The following TERB1 variants were observed in gnomAD, a reference collection of about 807,000 sequenced individuals.
TERB1 encodes telomere repeats-binding bouquet formation protein 1.
A neutral mutation model predicts 92.3 loss-of-function variants in TERB1; 63 were observed. The observed-to-expected ratio is 0.68, with a 90% CI of 0.56 to 0.84. The LOEUF (loss-of-function observed/expected upper bound fraction) is 0.84, where lower values mean the gene tolerates loss of function less well. Among genes scored for constraint, TERB1 ranks in the 40% least tolerant of loss-of-function variants. The pLI, the probability that TERB1 is intolerant of heterozygous loss-of-function variation, is 0.00. For missense variants in TERB1, 709 were observed against 843.7 expected, an observed-to-expected ratio of 0.84 and a Z score of 1.98; for synonymous variants, 252 against 283.9, an observed-to-expected ratio of 0.89 and a Z score of 1.13.
At chr16:66,797,716 G>A (rs1315615779) in intron 2 of TERB1, among the ~76,000 whole-genome samples, 1 of 146,796 alleles carries the variant, frequency 6.8e-6, no homozygotes, top group Non-Finnish European at 1.5e-5. Flanking sequence ...ACAACCCATG[G>A]TTATTTTCAA....
rs2018180890 is a variant in TERB1 at position 66,758,820 on chromosome 16, C to T, written c.1949G>A (p.Arg650His). Residue 650 changes from arginine (R) to histidine (H), a missense_variant, in exon 18 of 19, where the codon CGT becomes CAT. Transcript: ENST00000433154. ...ICNKKILLTP[R>H]RRQRLSNEST... is the part of the protein sequence containing the mutation. ...TTCATTACTGAGTCGTTGTCTTCTA[C>T]GTGGGGTCAGCAGAATTTCTGAAAA... The T allele has an allele frequency of 8.5e-6, 13 of 1,534,620 alleles. No homozygotes were observed. Among genetic ancestry groups the T allele is most frequent in the South Asian group, 1.2e-5 (1 of 81,644 alleles).
At chr16:66,788,486 G>A (rs967147640) in intron 5 of TERB1, among the ~76,000 whole-genome samples, 189 bp from the exon 6 acceptor site, 1 of 150,068 alleles carries the variant, frequency 6.7e-6, no homozygotes, top group South Asian at 2.1e-4. Flanking sequence ...CAAAGAAGCA[G>A]AATATTAATC....
chr16:66,785,827 C>T lies in TERB1; in HGVS notation c.659G>A (p.Arg220His), dbSNP rs201401376. The change falls in exon 9 of 19, where the codon CGC (arginine) becomes CAC (histidine). Residue 220 changes from arginine (R) to histidine (H), a missense_variant. Physicochemically the swap from Arg to His is conservative, Grantham distance 29 (BLOSUM62 0). Coordinates refer to ENST00000433154, the MANE Select transcript of TERB1 (RefSeq NM_001136505.2). Reference sequence around the variant, plus strand: ...GAGTCCAATAAATGAGCAAATAGGGCGAATTATCTCAGGTGTCGTGCAATT... The same window carrying T: ...GAGTCCAATAAATGAGCAAATAGGGTGAATTATCTCAGGTGTCGTGCAATT... ...LKNCTTPEII[R>H]PICSFIGLTL... 1,253 of 1,547,648 alleles carry T rather than the reference C, an allele frequency of 8.1e-4. 2 individuals carry two copies. The highest frequency in any genetic ancestry group is 2.4e-3 in the South Asian group (196 of 82,808).
chr16:66,772,857 C>A (rs541114227), intron 12 of TERB1, 108 bp from the exon 13 acceptor site: 2 of 818,552 alleles, frequency 2.4e-6, no homozygotes, highest in East Asian at 2.7e-5. Flanking sequence ...TCCATCCAGA[C>A]TATCTTAACA....
In TERB1 at chr16:66,754,991, C is replaced by A. The variant is rs1567462245; in HGVS notation, c.2169G>T (p.Thr723=). The change falls in exon 19 of 19, where the codon ACG becomes ACT. Residue 723 remains threonine, a synonymous_variant. Coordinates refer to ENST00000433154, the MANE Select transcript of TERB1 (RefSeq NM_001136505.2). ...HKYHKLTKHP[T]CAAS is the part of the protein sequence containing the mutation. ...CTTCTTTCAATCAAGAAGCTGCACACGTGGGGTGTTTGGTCAGCTTGTGGT... is the reference window on the plus strand; with the variant it reads ...CTTCTTTCAATCAAGAAGCTGCACAAGTGGGGTGTTTGGTCAGCTTGTGGT... 1 of 1,550,796 alleles carries A rather than the reference C, an allele frequency of 6.4e-7. No homozygotes were observed. The highest frequency in any genetic ancestry group is 8.7e-7 in the Non-Finnish European group (1 of 1,146,810).
At chr16:66,777,529 G>A (rs1442878776) in intron 10 of TERB1, among the ~76,000 whole-genome samples, 195 bp from the exon 11 acceptor site, 1 of 151,982 alleles carries the variant, frequency 6.6e-6, no homozygotes, top group Non-Finnish European at 1.5e-5. Flanking sequence ...GTAATAAGAT[G>A]GCGGCCTATT....
intron 16 of TERB1, among the ~76,000 whole-genome samples, chr16:66,761,144 A>T (rs935597348): frequency 7.5e-4 from 112 of 149,830 alleles, no homozygotes; most frequent in Non-Finnish European, 1.0e-3. Flanking sequence ...AAAGAAAAAG[A>T]AAAAAGAAAA....
intron 9 of TERB1, among the ~76,000 whole-genome samples, chr16:66,782,697 G>T (rs530490974): frequency 6.6e-6 from 1 of 152,078 alleles, no homozygotes; most frequent in African/African-American, 2.4e-5. Flanking sequence ...TAGCCCCTTT[G>T]CATTCCATGT....
At chr16:66,789,051 A>G (rs886222655) in intron 5 of TERB1, among the ~76,000 whole-genome samples, 1 of 150,802 alleles carries the variant, frequency 6.6e-6, no homozygotes, top group African/African-American at 2.4e-5. Flanking sequence ...AAGAATGACT[A>G]AGACTTACTA....
chr16:66,794,918 A>AC (rs1032686076), intron 3 of TERB1, among the ~76,000 whole-genome samples: 8 of 147,380 alleles, frequency 5.4e-5, no homozygotes, highest in East Asian at 2.0e-4. Context: ...TCAAAAAAAA[A>AC]AAAAACACAC....
chr16:66,780,253 T>C (rs1257613469), intron 9 of TERB1, among the ~76,000 whole-genome samples: 1 of 152,178 alleles, frequency 6.6e-6, no homozygotes, highest in Non-Finnish European at 1.5e-5. Flanking sequence ...ATTTTCATTT[T>C]TTAAAAATCT....
At position 66,755,291 on chromosome 16, in the gene TERB1, C is replaced by T. The variant is rs2018118977; in HGVS notation, c.1997-128G>A. On this transcript the variant is annotated intron_variant, in intron 18 of 18. Coordinates refer to ENST00000433154, the MANE Select transcript of TERB1 (RefSeq NM_001136505.2). ...AACTACAGAGTGAGAAATGCCAGGG[C>T]TTCTCATCATGTGGAAACCCACTTC... The T allele has an allele frequency of 1.3e-5, 8 of 636,626 alleles. No individual in the cohort carries two copies. In the South Asian group the frequency reaches 1.8e-4, roughly 14 times the overall value. The allele number at this position is 636,626 out of a possible 1,614,324, so 39.4% of individuals were successfully genotyped here.
intron 12 of TERB1, among the ~76,000 whole-genome samples, chr16:66,773,261 G>C (rs893335300): frequency 2.6e-5 from 4 of 152,028 alleles, no homozygotes; most frequent in Non-Finnish European, 4.4e-5. Flanking sequence ...TCAAACCCAG[G>C]AGGCACAAGC....
At chr16:66,783,618 G>A (rs559904996) in intron 9 of TERB1, among the ~76,000 whole-genome samples, 1 of 152,176 alleles carries the variant, frequency 6.6e-6, no homozygotes, top group Non-Finnish European at 1.5e-5. Flanking sequence ...CTGGAATAAT[G>A]TATGTGAAGT....
chr16:66,762,805 TC>T (rs1263706352), intron 16 of TERB1, among the ~76,000 whole-genome samples: 1 of 151,926 alleles, frequency 6.6e-6, no homozygotes, highest in Non-Finnish European at 1.5e-5. Flanking sequence ...CACCTCAGCC[TC>T]CCAAGTAGCT....
chr16:66,796,679 C>T, intron 3 of TERB1, 89 bp downstream of exon 3: 1 of 942,548 alleles, frequency 1.1e-6, no homozygotes, highest in Admixed American at 2.2e-5. Context: ...CTGAATGATT[C>T]TTTCATTTCC....
chr16:66,790,965 T>C lies in TERB1; in HGVS notation c.86A>G (p.Asn29Ser). The stretch of plus-strand genomic sequence containing the variant: ...CAAAGCTTCCTTTTGTGAAAAAGCA[T>C]TGTCCATTTGATACTTTAGACACTC... ...LLECLKYQMD[N>S]AFSQKEALVT... Residue 29 changes from asparagine (N) to serine (S), a missense_variant, in exon 4 of 19, where the codon AAT (asparagine) becomes AGT (serine). Physicochemically the swap from Asn to Ser is conservative, Grantham distance 46. Coordinates refer to ENST00000433154, the MANE Select transcript of TERB1 (RefSeq NM_001136505.2). The C allele has an allele frequency of 1.3e-6, 2 of 1,549,756 alleles. No homozygotes were observed. Among genetic ancestry groups the C allele is most frequent in the Non-Finnish European group, 1.7e-6 (2 of 1,145,948 alleles).
At position 66,775,092 on chromosome 16, in the gene TERB1, T is replaced by C. The variant is rs1018049567; in HGVS notation, c.1111+26A>G. On this transcript the variant is annotated intron_variant, in intron 12 of 18. Coordinates refer to ENST00000433154, the MANE Select transcript of TERB1 (RefSeq NM_001136505.2). ...TCTCCTTTATAAACTTTGGTTGGTA[T>C]GTTCTTAAAGTAATAGTACACTTAC... The C allele has an allele frequency of 5.8e-6, 9 of 1,548,982 alleles. No individual in the cohort carries two copies. The African/African-American group carries it at 1.2e-4, about 21-fold the overall frequency.
At position 66,774,683 on chromosome 16, in the gene TERB1, C is replaced by CCTTT. The variant is rs386384962; in HGVS notation, c.1111+434_1111+435insAAAG. Among the ~76,000 whole-genome samples, 13 of 40,214 alleles carry CCTTT rather than the reference C, an allele frequency of 3.2e-4. 3 individuals are homozygous for CCTTT. The highest frequency in any genetic ancestry group is 3.4e-4 in the Non-Finnish European group (8 of 23,346). The allele number at this position is 40,214 out of a possible 152,430, so 26.4% of individuals were successfully genotyped here. On this transcript the variant is annotated intron_variant, in intron 12 of 18. Transcript: ENST00000433154. ...TGTCCAAATTTTATACTCTGATTTTCTTTTTTTTTTTTTTTTTGAGACAGG... is the reference window on the plus strand; with the variant it reads ...TGTCCAAATTTTATACTCTGATTTTCCTTTTTTTTTTTTTTTTTTTTGAGACAGG...
Sources: allele counts gnomAD v4.1 joint callset (sites outside exome capture counted in the v4.1 genomes callset), GRCh38; gene constraint gnomAD v4.1.1; transcripts MANE v1.5; gene names NCBI Gene and HGNC (gene_info 2026-07-23, HGNC 2026-07-21).